Variants in TINCR observed in about 807,000 individuals in gnomAD.
TINCR encodes TINCR-encoded ubiquitin-like protein.
chr19:5,559,334 CTTTTTT>C (rs139980198), downstream of TINCR: 7 of 131,832 alleles, frequency 5.3e-5, no homozygotes, highest in East Asian at 4.6e-4. Flanking sequence ...GGCTGTCAAT[CTTTTTT>C]TTTTTTTTTT....
chr19:5,567,626 G>GCCTACCCCCCCCCCCCCCCCCCCCCCC, intron 1 of TINCR, 39 bp downstream of exon 1: 1 of 202,440 alleles, frequency 4.9e-6, no homozygotes, highest in Non-Finnish European at 9.8e-6. Flanking sequence ...GTCCCCGGCC[G>GCCTACCCCCCCCCCCCCCCCCCCCCCC]CCGCCCCCGC....
downstream of TINCR, chr19:5,561,841 C>G (rs1163281377): frequency 6.6e-6 from 1 of 152,204 alleles, no homozygotes; most frequent in Non-Finnish European, 1.5e-5. Flanking sequence ...AGAGGAGAAG[C>G]AATTTTCCCA....
rs1319418142 is a variant in TINCR, at chr19:5,567,389, G to A, written c.260+276C>T. 3.9e-5 allele frequency among the ~76,000 whole-genome samples: 6 copies of A among 152,014 alleles called. No homozygotes were observed. In the East Asian group the frequency reaches 1.2e-3, roughly 29 times the overall value. On this transcript the variant is annotated intron_variant, in intron 1 of 1. Transcript: ENST00000646160. ...AGAGACAGAGATGAGAGACAGAGAC[G>A]AGAGAGTGACAAAGATGAGAGTGAC... is the stretch of plus-strand genomic sequence containing the variant.
downstream of TINCR, chr19:5,561,011 G>C (rs2052099134): frequency 6.5e-6 from 1 of 154,034 alleles, no homozygotes; most frequent in African/African-American, 2.4e-5. Context: ...GCAGAGAAGA[G>C]GTTGAAAAGT....
In TINCR at chr19:5,563,264, G is replaced by T. The variant is rs564832146; in HGVS notation, c.261-315C>A. Among the ~76,000 whole-genome samples the T allele has an allele frequency of 6.6e-6, 1 of 152,112 alleles. No homozygotes were observed. The highest frequency in any genetic ancestry group is 6.5e-5 in the Admixed American group (1 of 15,268). ...CGCCCCGACTCAGGGGCTCACAGGC[G>T]CCCTCTGGCACCTGCTACGGGGAGG... On this transcript the variant is annotated intron_variant, in intron 1 of 1. Transcript: ENST00000646160. The surrounding 1 kb of genome is among the most constrained non-coding windows in gnomAD (Gnocchi z 4.7).
intron 1 of TINCR, among the ~76,000 whole-genome samples, chr19:5,566,116 G>T (rs2052127148): frequency 6.6e-6 from 1 of 152,212 alleles, no homozygotes; most frequent in Admixed American, 6.5e-5. Context: ...GGACACTGGA[G>T]TGGGGCTGTG....
At chr19:5,562,533 TCA>T (rs1031111328), downstream of TINCR, 29 of 152,322 alleles carry the variant, frequency 1.9e-4, no homozygotes, top group African/African-American at 7.0e-4. The surrounding 1 kb of genome is among the most constrained non-coding windows in gnomAD (Gnocchi z 4.4). Flanking sequence ...GGCAGTACCC[TCA>T]CAGAGTTTAC....
intron 1 of TINCR, among the ~76,000 whole-genome samples, chr19:5,567,378 G>A (rs1402763676): frequency 1.3e-5 from 2 of 152,080 alleles, no homozygotes; most frequent in Non-Finnish European, 2.9e-5. Flanking sequence ...ACAGAGATGA[G>A]AGACAGAGAC....
In TINCR at chr19:5,563,264, G is replaced by A. The variant is rs564832146; in HGVS notation, c.261-315C>T. ...CGCCCCGACTCAGGGGCTCACAGGC[G>A]CCCTCTGGCACCTGCTACGGGGAGG... On this transcript the variant is annotated intron_variant, in intron 1 of 1. Coordinates refer to ENST00000646160, the Ensembl canonical transcript of TINCR. The surrounding 1 kb of genome is among the most constrained non-coding windows in gnomAD (Gnocchi z 4.7). Among the ~76,000 whole-genome samples, 84 of 152,112 alleles carry A rather than the reference G, an allele frequency of 5.5e-4. 1 individual carries two copies. Among genetic ancestry groups the A allele is most frequent in the African/African-American group, 1.9e-3 (77 of 41,512 alleles).
chr19:5,567,756 A>C (rs2052139354), exon 1 of TINCR: 2 of 391,818 alleles, frequency 5.1e-6, no homozygotes, highest in Admixed American at 4.5e-5. Context: ...GCGTTGTAGT[A>C]GAAGGCGCGC....
chr19:5,558,765 G>C (rs766984892), downstream of TINCR: 2 of 152,232 alleles, frequency 1.3e-5, no homozygotes, highest in African/African-American at 4.8e-5. Flanking sequence ...TGCTTTCCTC[G>C]GTGTGGCTGT....
chr19:5,567,626 G>GCCTACCCCCCCCC (rs2052138246), intron 1 of TINCR, 39 bp downstream of exon 1: 1 of 202,442 alleles, frequency 4.9e-6, no homozygotes, highest in Non-Finnish European at 9.8e-6. Context: ...GTCCCCGGCC[G>GCCTACCCCCCCCC]CCGCCCCCGC....
In TINCR at chr19:5,563,798, C is replaced by T. The variant is rs1416024271; in HGVS notation, c.261-849G>A. Among the ~76,000 whole-genome samples, 8 of 152,144 alleles carry T rather than the reference C, an allele frequency of 5.3e-5. No homozygotes were observed. In the South Asian group the frequency reaches 1.5e-3, roughly 28 times the overall value. ...GGCATGGTGGCGGGCGCCTGTAATCCCAGCTACTCAGGAGACTGAGGCAGG... is the reference window on the plus strand; with the variant it reads ...GGCATGGTGGCGGGCGCCTGTAATCTCAGCTACTCAGGAGACTGAGGCAGG... On this transcript the variant is annotated intron_variant, in intron 1 of 1. Coordinates refer to ENST00000646160, the Ensembl canonical transcript of TINCR. The surrounding 1 kb of genome is among the most constrained non-coding windows in gnomAD (Gnocchi z 4.7).
downstream of TINCR, chr19:5,558,315 T>C (rs1364906346): frequency 6.6e-6 from 1 of 152,048 alleles, no homozygotes; most frequent in East Asian, 1.9e-4. Flanking sequence ...GGATCCCGAG[T>C]GAGTCAGAAG....
At chr19:5,564,460 G>A (rs575296301) in intron 1 of TINCR, among the ~76,000 whole-genome samples, 24 of 152,304 alleles carry the variant, frequency 1.6e-4, no homozygotes, top group Admixed American at 1.2e-3. Context: ...AGGGGCCCCT[G>A]TCTGTTGGGG....
intron 1 of TINCR, among the ~76,000 whole-genome samples, chr19:5,564,564 G>A (rs989644427): frequency 2.1e-4 from 32 of 152,120 alleles, no homozygotes; most frequent in African/African-American, 7.7e-4. Context: ...GAGCCCAGAG[G>A]AGGTTGAAAC....
chr19:5,561,310 T>C (rs1349825576), downstream of TINCR: 1 of 153,830 alleles, frequency 6.5e-6, no homozygotes, highest in Non-Finnish European at 1.5e-5. Context: ...TAGGTCCTTG[T>C]CAGGGACTGG....
At chr19:5,566,724 GAC>G (rs1252010823) in intron 1 of TINCR, among the ~76,000 whole-genome samples, 2 of 151,178 alleles carry the variant, frequency 1.3e-5, no homozygotes, top group Admixed American at 6.6e-5. Flanking sequence ...AAAAGAGACA[GAC>G]ACAGAGAGAC....
chr19:5,560,418 T>C (rs969157748), downstream of TINCR: 1 of 151,936 alleles, frequency 6.6e-6, no homozygotes, highest in Admixed American at 6.6e-5. The surrounding 1 kb of genome is among the most constrained non-coding windows in gnomAD (Gnocchi z 4.5). Context: ...GCCTGGAGAG[T>C]GTACACGGCC....
Sources: allele counts gnomAD v4.1 joint callset (sites outside exome capture counted in the v4.1 genomes callset), GRCh38; gene constraint gnomAD v4.1.1; non-coding constraint Gnocchi (gnomAD v3.1); transcripts MANE v1.5; gene names NCBI Gene and HGNC (gene_info 2026-07-23, HGNC 2026-07-21).